TAFA4: variants seen among roughly 807,000 people sequenced by gnomAD.
The protein encoded by TAFA4 is chemokine-like protein TAFA-4.
A neutral mutation model predicts 21.1 loss-of-function variants in TAFA4; 20 were observed. The observed-to-expected ratio is 0.95, with a 90% CI of 0.67 to 1.38. TAFA4 has a LOEUF of 1.38. TAFA4 is among the 40% of genes most tolerant of loss of function. The pLI is 0.00. For synonymous variants in TAFA4, 71 were observed against 67.4 expected, an observed-to-expected ratio of 1.05 and a Z score of -0.26; for missense variants, 211 against 180.9, an observed-to-expected ratio of 1.17 and a Z score of -0.95.
At chr3:68,740,164 T>C (rs747347341) in intron 4 of TAFA4, among the ~76,000 whole-genome samples, 2 of 152,204 alleles carry the variant, frequency 1.3e-5, no homozygotes, top group Non-Finnish European at 2.9e-5. Flanking sequence ...CACCCCAGGA[T>C]GTTAAGAGGA....
At chr3:68,743,093 A>T (rs1702387488) in intron 4 of TAFA4, among the ~76,000 whole-genome samples, 1 of 152,214 alleles carries the variant, frequency 6.6e-6, no homozygotes, top group South Asian at 2.1e-4. Flanking sequence ...ATACTGAGCT[A>T]CTATCTAGTG....
At chr3:68,733,690 T>C (rs1046868231) in intron 5 of TAFA4, among the ~76,000 whole-genome samples, 5 of 152,190 alleles carry the variant, frequency 3.3e-5, no homozygotes, top group Non-Finnish European at 5.9e-5. Flanking sequence ...CAGCAGTTTC[T>C]ATTCATGTAA....
At chr3:68,739,799 A>C (rs1265180702) in intron 4 of TAFA4, among the ~76,000 whole-genome samples, 1 of 152,224 alleles carries the variant, frequency 6.6e-6, no homozygotes, top group East Asian at 1.9e-4. Flanking sequence ...TCATTTTCTC[A>C]CTTATAAATG....
chr3:68,850,598 A>G (rs528312598), intron 3 of TAFA4, among the ~76,000 whole-genome samples: 1 of 152,158 alleles, frequency 6.6e-6, no homozygotes, highest in Admixed American at 6.5e-5. Flanking sequence ...CTGGTGTGAG[A>G]TATTATCTCA....
At chr3:68,884,421 T>A (rs2089650522) in intron 2 of TAFA4, among the ~76,000 whole-genome samples, 1 of 152,196 alleles carries the variant, frequency 6.6e-6, no homozygotes, top group African/African-American at 2.4e-5. Flanking sequence ...CCACTGTGGT[T>A]CTAGTTTCCA....
At chr3:68,889,488 A>G (rs530370554) in intron 1 of TAFA4, among the ~76,000 whole-genome samples, 1 of 152,300 alleles carries the variant, frequency 6.6e-6, no homozygotes, top group Admixed American at 6.5e-5. Flanking sequence ...TCCCTCAGAG[A>G]ACTATTCTTT....
intron 1 of TAFA4, among the ~76,000 whole-genome samples, chr3:68,892,033 A>G: frequency 6.6e-6 from 1 of 152,094 alleles, no homozygotes; most frequent in East Asian, 1.9e-4. Context: ...GATGAAAGTA[A>G]ATGTGCTTAA....
intron 3 of TAFA4, among the ~76,000 whole-genome samples, chr3:68,804,231 T>TA: frequency 6.6e-6 from 1 of 152,128 alleles, no homozygotes; most frequent in East Asian, 1.9e-4. Flanking sequence ...CATCTCTGAA[T>TA]AAATCATTAT....
intron 3 of TAFA4, among the ~76,000 whole-genome samples, chr3:68,849,899 G>C (rs765997627): frequency 6.6e-5 from 10 of 152,110 alleles, no homozygotes; most frequent in Admixed American, 4.6e-4. Flanking sequence ...TCAGTCCTTC[G>C]AAGGATTTTT....
chr3:68,820,946 A>G (rs1321235853), intron 3 of TAFA4, among the ~76,000 whole-genome samples: 2 of 152,238 alleles, frequency 1.3e-5, no homozygotes, highest in Non-Finnish European at 2.9e-5. Flanking sequence ...TTGGTAAACC[A>G]AAGGAATTAC....
intron 4 of TAFA4, among the ~76,000 whole-genome samples, chr3:68,748,839 T>C (rs1278560459): frequency 6.6e-6 from 1 of 152,254 alleles, no homozygotes; most frequent in Non-Finnish European, 1.5e-5. Context: ...GCTTTTGTTT[T>C]ATTAGTCTTT....
At chr3:68,861,464 A>G (rs933648074) in intron 3 of TAFA4, among the ~76,000 whole-genome samples, 1 of 152,086 alleles carries the variant, frequency 6.6e-6, no homozygotes, top group African/African-American at 2.4e-5. Flanking sequence ...CTTATGAAAC[A>G]AAACCAAGAC....
chr3:68,862,165 C>T (rs2089353502), intron 3 of TAFA4, among the ~76,000 whole-genome samples: 1 of 152,148 alleles, frequency 6.6e-6, no homozygotes, highest in Non-Finnish European at 1.5e-5. Context: ...ACCACCGACA[C>T]TTAACAAGTT....
Position 68,909,328 on chromosome 3 carries a change from C to T in TAFA4, c.-123+22912G>A, listed in dbSNP as rs116627927. Among the ~76,000 whole-genome samples, 126 of 152,294 alleles carry T rather than the reference C, an allele frequency of 8.3e-4. 1 individual carries two copies. Among genetic ancestry groups the T allele is most frequent in the African/African-American group, 2.6e-3 (109 of 41,560 alleles). Reference sequence around the variant, plus strand: ...TTACAGTAAGAGAATATCCATGGCGCTGAAGAAGTAACAGCTTAACAGTTA... The same window carrying T: ...TTACAGTAAGAGAATATCCATGGCGTTGAAGAAGTAACAGCTTAACAGTTA... On this transcript the variant is annotated intron_variant, in intron 1 of 5. Transcript: ENST00000295569.
chr3:68,778,765 T>C (rs552292758), intron 3 of TAFA4, among the ~76,000 whole-genome samples: 2 of 152,236 alleles, frequency 1.3e-5, no homozygotes, highest in Admixed American at 6.5e-5. Flanking sequence ...CTCTTTCTTT[T>C]ATAAATTGCC....
chr3:68,775,608 C>T (rs577278971), intron 3 of TAFA4, among the ~76,000 whole-genome samples: 8 of 152,158 alleles, frequency 5.3e-5, no homozygotes, highest in South Asian at 2.1e-4. Flanking sequence ...GCAGGGTGTT[C>T]GGGGTTTGCT....
intron 5 of TAFA4, among the ~76,000 whole-genome samples, chr3:68,734,452 A>T (rs1702204232): frequency 6.6e-6 from 1 of 152,106 alleles, no homozygotes; most frequent in South Asian, 2.1e-4. Context: ...TCTATACAGG[A>T]TGTCAAGGAA....
chr3:68,817,303 T>C (rs1276254691), intron 3 of TAFA4, among the ~76,000 whole-genome samples: 1 of 152,180 alleles, frequency 6.6e-6, no homozygotes, highest in Non-Finnish European at 1.5e-5. Flanking sequence ...TTACAGAAAT[T>C]CAGTAACATC....
At position 68,732,846 on chromosome 3, in the gene TAFA4, T is replaced by C. The variant is rs535531929; in HGVS notation, c.*296A>G. ...TGAAGAATGAACATGCCCTTAGTGG[T>C]GATCCATTTTGAAGACTCTGATTTG... On this transcript the variant is annotated 3_prime_UTR_variant, in exon 6 of 6. Coordinates refer to ENST00000295569, the MANE Select transcript of TAFA4 (RefSeq NM_182522.5). 1.6e-5 allele frequency: 7 copies of C among 429,790 alleles called. No homozygotes were observed. The highest frequency in any genetic ancestry group is 1.2e-4 in the African/African-American group (6 of 50,432). The allele number at this position is 429,790 out of a possible 1,614,324, so 26.6% of individuals were successfully genotyped here. A position where few individuals can be genotyped will look rare whatever the true frequency, so the allele number is the denominator to read the frequency against.
Sources: gnomAD v4.1 joint callset for allele counts (sites outside exome capture counted in the v4.1 genomes callset) on GRCh38, gnomAD v4.1.1 for gene constraint, MANE v1.5 for transcripts, NCBI Gene and HGNC (gene_info 2026-07-23, HGNC 2026-07-21) for gene names.